The following POLR3B variants were observed in gnomAD, a reference collection of about 807,000 sequenced individuals.
POLR3B encodes the protein DNA-directed RNA polymerase III subunit RPC2.
POLR3B carries 96 observed loss-of-function variants against 147.4 expected under a neutral mutation model. The observed-to-expected ratio is 0.65, with a 90% CI of 0.55 to 0.77. POLR3B has a LOEUF of 0.77. Ranked by LOEUF, POLR3B falls within the 30% of genes least tolerant of loss-of-function variation. The probability of loss-of-function intolerance (pLI) is 0.00; values close to 1 mark genes in which losing one functional copy is unlikely to be tolerated. For missense variants in POLR3B, 1,036 were observed against 1,413.5 expected (o/e 0.73, Z 4.28); for synonymous variants, 461 against 485.9 (o/e 0.95, Z 0.67).
In POLR3B at chr12:106,430,272, G is replaced by C. The variant is rs752795468; in HGVS notation, c.1264-1G>C. The C allele has an allele frequency of 1.2e-6, 2 of 1,612,630 alleles. No homozygotes were observed. The highest frequency in any genetic ancestry group is 2.2e-5 in the South Asian group (2 of 91,044). On this transcript the variant is annotated splice_acceptor_variant, in intron 13 of 27. Transcript: ENST00000228347. LOFTEE classifies it high-confidence loss of function. ...GTCTTATGTCTTTCATCTCCCTACA[G>C]GGAAATTGGTCTTTAAAGAGATTTA...
chr12:106,365,783 A>G (rs1009194332), intron 2 of POLR3B, among the ~76,000 whole-genome samples: 3 of 151,632 alleles, frequency 2.0e-5, no homozygotes, highest in Non-Finnish European at 4.4e-5. Context: ...TGCTTGATGC[A>G]GGGAGGCGGA....
At chr12:106,508,204 A>G (rs749326544) in intron 27 of POLR3B, among the ~76,000 whole-genome samples, 1 of 152,210 alleles carries the variant, frequency 6.6e-6, no homozygotes, top group Non-Finnish European at 1.5e-5. Context: ...CCCAGTGGAC[A>G]TTTGCATATT....
chr12:106,411,026 A>C lies in POLR3B; in HGVS notation c.1101+66A>C. The C allele has an allele frequency of 3.4e-6, 5 of 1,456,566 alleles. 1 individual carries two copies. The highest frequency in any genetic ancestry group is 4.8e-6 in the Non-Finnish European group (5 of 1,039,170). The allele number at this position is 1,456,566 out of a possible 1,614,324, so 90.2% of individuals were successfully genotyped here. The stretch of plus-strand genomic sequence containing the variant: ...TGAAAATTAATTTGGTTTTCATTTC[A>C]CATAAGAAGAAACATTTGAATGAAA... On this transcript the variant is annotated intron_variant, in intron 12 of 27. Coordinates refer to ENST00000228347, the MANE Select transcript of POLR3B (RefSeq NM_018082.6).
chr12:106,451,512 C>T (rs1038251116), intron 19 of POLR3B, among the ~76,000 whole-genome samples: 1 of 151,406 alleles, frequency 6.6e-6, no homozygotes, highest in African/African-American at 2.4e-5. Context: ...ATTCCAGCTA[C>T]TCGGGTGGCT....
chr12:106,507,823 A>T (rs1241562605), intron 27 of POLR3B: 1 of 455,890 alleles, frequency 2.2e-6, no homozygotes, highest in Non-Finnish European at 4.4e-6. Context: ...AAAATAATAC[A>T]AGCTTTATTT....
At chr12:106,505,030 G>A (rs1481620443) in intron 27 of POLR3B, among the ~76,000 whole-genome samples, 2 of 152,142 alleles carry the variant, frequency 1.3e-5, no homozygotes, top group African/African-American at 4.8e-5. Context: ...ATGATACCCT[G>A]CATTTGTAGG....
chr12:106,433,315 A>G (rs558204012), intron 15 of POLR3B, among the ~76,000 whole-genome samples: 1 of 152,342 alleles, frequency 6.6e-6, no homozygotes, highest in East Asian at 1.9e-4. Flanking sequence ...GTTGATTACA[A>G]CAAGAAGCAG....
chr12:106,440,952 A>G (rs967333154), intron 18 of POLR3B, among the ~76,000 whole-genome samples: 4 of 152,234 alleles, frequency 2.6e-5, no homozygotes, highest in African/African-American at 7.2e-5. Context: ...AAGTTTTTGT[A>G]TTATTTAATT....
Position 106,405,896 on chromosome 12 carries a change from A to G in POLR3B, c.886A>G (p.Met296Val), listed in dbSNP as rs759803156. 1 of 1,613,224 alleles carries G rather than the reference A, an allele frequency of 6.2e-7. No homozygotes were observed. Among genetic ancestry groups the G allele is most frequent in the South Asian group, 1.1e-5 (1 of 91,068 alleles). ...YIGNKVRRQR[M>V]WGGGPKKTKI... ...AGGGAACAAAGTAAGAAGGCAAAGG[A>G]TGTGGGGAGGTGGACCAAAGAAAAC... is the stretch of plus-strand genomic sequence containing the variant. Residue 296 changes from methionine to valine, a missense_variant, in exon 11 of 28, where the codon ATG becomes GTG. Coordinates refer to ENST00000228347, the MANE Select transcript of POLR3B (RefSeq NM_018082.6).
intron 12 of POLR3B, among the ~76,000 whole-genome samples, chr12:106,423,225 A>G (rs904938526): frequency 1.3e-5 from 2 of 152,184 alleles, no homozygotes; most frequent in African/African-American, 4.8e-5. Flanking sequence ...TCCCCAAATT[A>G]TGTTGTTTAA....
intron 12 of POLR3B, among the ~76,000 whole-genome samples, chr12:106,418,468 A>T (rs1023405711): frequency 2.6e-5 from 4 of 152,222 alleles, no homozygotes; most frequent in Admixed American, 1.3e-4. Flanking sequence ...TTGTGTGAAA[A>T]GGAGAATTTG....
chr12:106,420,759 T>C (rs1268525387), intron 12 of POLR3B, among the ~76,000 whole-genome samples: 1 of 152,166 alleles, frequency 6.6e-6, no homozygotes, highest in Non-Finnish European at 1.5e-5. Context: ...TTATAGGTAA[T>C]TTTTAACATA....
intron 12 of POLR3B, among the ~76,000 whole-genome samples, chr12:106,422,455 A>C (rs1422964557): frequency 6.6e-6 from 1 of 152,190 alleles, no homozygotes; most frequent in Non-Finnish European, 1.5e-5. Context: ...TAAAGTATAT[A>C]GTCTCAGTTG....
intron 9 of POLR3B, among the ~76,000 whole-genome samples, chr12:106,386,246 G>C (rs1050058224): frequency 3.3e-5 from 5 of 151,748 alleles, no homozygotes; most frequent in African/African-American, 1.2e-4. Flanking sequence ...GGGAGGCTCA[G>C]GCAGGAGAAC....
At chr12:106,401,025 A>G (rs1477331237) in intron 10 of POLR3B, among the ~76,000 whole-genome samples, 1 of 152,256 alleles carries the variant, frequency 6.6e-6, no homozygotes, top group Admixed American at 6.5e-5. Context: ...CAAAAACTCA[A>G]TGAATCCAGC....
At chr12:106,461,360 TG>T (rs1043164056) in intron 22 of POLR3B, among the ~76,000 whole-genome samples, 12 of 152,292 alleles carry the variant, frequency 7.9e-5, no homozygotes, top group African/African-American at 2.9e-4. Flanking sequence ...CCCAAAGTGC[TG>T]GGAGTCATAA....
chr12:106,376,326 A>C, intron 6 of POLR3B, 33 bp from the exon 7 acceptor site: 1 of 1,420,086 alleles, frequency 7.0e-7, no homozygotes, highest in Non-Finnish European at 9.9e-7. Context: ...GACAGCCTAC[A>C]TGTGATATTT....
At chr12:106,485,382 A>T (rs78542646) in intron 23 of POLR3B, among the ~76,000 whole-genome samples, 2 of 152,172 alleles carry the variant, frequency 1.3e-5, no homozygotes, top group Non-Finnish European at 2.9e-5. Context: ...AAAAATGAAT[A>T]TAAGCAAAGG....
chr12:106,505,133 G>GT (rs939106775), intron 27 of POLR3B, among the ~76,000 whole-genome samples: 10 of 152,306 alleles, frequency 6.6e-5, no homozygotes, highest in African/African-American at 2.2e-4. Context: ...GATGCTGGAT[G>GT]TTTTTTGTTT....
Sources: gnomAD v4.1 joint callset for allele counts (sites outside exome capture counted in the v4.1 genomes callset) on GRCh38, gnomAD v4.1.1 for gene constraint, MANE v1.5 for transcripts, NCBI Gene and HGNC (gene_info 2026-07-23, HGNC 2026-07-21) for gene names.